RCN2: variants seen among roughly 807,000 people sequenced by gnomAD.
The protein encoded by RCN2 is reticulocalbin 2, also known as reticulocalbin-2.
In RCN2, 23 loss-of-function variants were observed where a neutral mutation model predicts 37.5. The ratio of observed to expected loss-of-function variants is 0.61; its 90% confidence interval spans 0.44 to 0.87. RCN2 has a LOEUF of 0.87. Ranked by LOEUF, RCN2 falls within the 40% of genes least tolerant of loss-of-function variation. RCN2 has a pLI of 0.00. For missense variants in RCN2, 381 were observed against 390.4 expected, an observed-to-expected ratio of 0.98 and a Z score of 0.20; for synonymous variants, 140 against 144.6, an observed-to-expected ratio of 0.97 and a Z score of 0.23.
At chr15:76,947,806 T>C in intron 5 of RCN2, 1 of 306,010 alleles carries the variant, frequency 3.3e-6, no homozygotes, top group Non-Finnish European at 6.0e-6. Flanking sequence ...AAGGTAGATA[T>C]TTTTAAACAA....
chr15:76,932,162 G>A (rs187019079), intron 1 of RCN2, among the ~76,000 whole-genome samples, 177 bp downstream of exon 1: 1 of 152,288 alleles, frequency 6.6e-6, no homozygotes, highest in East Asian at 1.9e-4. Context: ...AGCCTGAGGA[G>A]ATAGCACGGC....
intron 5 of RCN2, 77 bp downstream of exon 5, chr15:76,947,594 G>T: frequency 1.1e-6 from 1 of 917,864 alleles, no homozygotes; most frequent in Non-Finnish European, 1.7e-6. Context: ...CTCATTGAAA[G>T]CTCTCTTCAA....
chr15:76,937,375 T>C (rs923579158), intron 3 of RCN2, among the ~76,000 whole-genome samples: 7 of 152,152 alleles, frequency 4.6e-5, no homozygotes, highest in African/African-American at 1.7e-4. Context: ...CACAGTACCA[T>C]TTTTCATAGT....
intron 3 of RCN2, among the ~76,000 whole-genome samples, chr15:76,941,112 C>T (rs2075275098): frequency 6.6e-6 from 1 of 152,104 alleles, no homozygotes. Context: ...TGGCTCACTG[C>T]AACCTCTTCC....
chr15:76,953,666 G>A lies in RCN2; in HGVS notation c.*4444G>A, dbSNP rs1318895264. 1 of 130,690 alleles carries A rather than the reference G, an allele frequency of 7.7e-6. No homozygotes were observed. Among genetic ancestry groups the A allele is most frequent in the Non-Finnish European group, 1.6e-5 (1 of 64,128 alleles). 8.1% of individuals were successfully genotyped at this position (130,690 alleles called of 1,614,324 possible). On this transcript the variant is annotated 3_prime_UTR_variant, in exon 7 of 7. Coordinates refer to ENST00000394885, the MANE Select transcript of RCN2 (RefSeq NM_002902.3). ...TCTGTCGCCCAGGCTGGAGTGCAGT[G>A]GCGCGATCTCGGCTCACTGCAGGCT...
intron 4 of RCN2, 80 bp from the exon 5 acceptor site, chr15:76,947,341 T>C: frequency 1.3e-6 from 1 of 792,818 alleles, no homozygotes; most frequent in Non-Finnish European, 2.1e-6. Context: ...AAAGAAGTTC[T>C]GTAGTAGAAT....
At chr15:76,935,748 CT>C in intron 3 of RCN2, 26 bp downstream of exon 3, 2 of 1,571,878 alleles carry the variant, frequency 1.3e-6, no homozygotes, top group Non-Finnish European at 1.7e-6. Context: ...CAAGCTGTTT[CT>C]TTTGATCATG....
In RCN2 at chr15:76,935,622, C is replaced by T; in HGVS notation, c.347C>T (p.Thr116Ile). ...GAATATGATAAAAACAGTGATGATA[C>T]TGTGACTTGGGATGAATATAACATT... ...FVEYDKNSDD[T>I]VTWDEYNIQM... The change falls in exon 3 of 7, where the codon ACT (threonine) becomes ATT (isoleucine). Residue 116 changes from threonine to isoleucine, a missense_variant. By Grantham distance (89) the Thr-to-Ile change is moderately conservative. Coordinates refer to ENST00000394885, the MANE Select transcript of RCN2 (RefSeq NM_002902.3). 2 of 1,613,310 alleles carry T rather than the reference C, an allele frequency of 1.2e-6. No homozygotes were observed. The highest frequency in any genetic ancestry group is 1.7e-6 in the Non-Finnish European group (2 of 1,179,260).
chr15:76,947,634 TC>T (rs1251852785), intron 5 of RCN2, 117 bp downstream of exon 5: 1 of 688,170 alleles, frequency 1.5e-6, no homozygotes, highest in African/African-American at 1.9e-5. Flanking sequence ...CTGTGTCTGA[TC>T]CTACTTGTTT....
chr15:76,941,545 C>T (rs746334685), intron 3 of RCN2: 122 of 579,468 alleles, frequency 2.1e-4, no homozygotes, highest in Middle Eastern at 4.8e-4. Context: ...ACACTTTTTA[C>T]CCTCTACTAG....
intron 3 of RCN2, among the ~76,000 whole-genome samples, chr15:76,937,652 C>G (rs925959876): frequency 6.6e-6 from 1 of 152,104 alleles, no homozygotes; most frequent in Non-Finnish European, 1.5e-5. Flanking sequence ...AAGTGATCTA[C>G]CCACCTCAGC....
rs2075309596 is a variant in RCN2, at chr15:76,949,317, T to G, written c.*95T>G. ...AATATTGATGTTGTATTTTACACTC[T>G]TAAGTCTTAACCACAGTCAGAATTA... On this transcript the variant is annotated 3_prime_UTR_variant, in exon 7 of 7. Coordinates refer to ENST00000394885, the MANE Select transcript of RCN2 (RefSeq NM_002902.3). 1.1e-6 allele frequency: 1 copy of G among 881,078 alleles called. No homozygotes were observed. Among genetic ancestry groups the G allele is most frequent in the African/African-American group, 1.7e-5 (1 of 58,574 alleles). 54.6% of individuals were successfully genotyped at this position (881,078 alleles called of 1,614,324 possible).
At position 76,932,353 on chromosome 15, in the gene RCN2, C is replaced by T; in HGVS notation, c.145-8C>T. The T allele has an allele frequency of 6.2e-7, 1 of 1,606,172 alleles. No homozygotes were observed. The highest frequency in any genetic ancestry group is 8.5e-7 in the Non-Finnish European group (1 of 1,173,078). ...CTTGGCCCTCCTGTGTGTCGCTTCC[C>T]CCTAAAGGAAGATGTGGATGAATAT... On this transcript the variant is annotated splice_region_variant and splice_polypyrimidine_tract_variant and intron_variant, in intron 1 of 6. Coordinates refer to ENST00000394885, the MANE Select transcript of RCN2 (RefSeq NM_002902.3).
chr15:76,932,131 T>TG (rs1169591602), intron 1 of RCN2, 146 bp downstream of exon 1: 4 of 824,526 alleles, frequency 4.9e-6, no homozygotes, highest in Non-Finnish European at 5.2e-6. Context: ...ACTCGCTCTC[T>TG]GGGGGTCCTG....
rs2075311645 is a variant in RCN2 at position 76,949,792 on chromosome 15, T to C, written c.*570T>C. 2 of 152,648 alleles carry C rather than the reference T, an allele frequency of 1.3e-5. No individual in the cohort carries two copies. Among genetic ancestry groups the C allele is most frequent in the Non-Finnish European group, 2.9e-5 (2 of 68,026 alleles). 9.5% of individuals were successfully genotyped at this position (152,648 alleles called of 1,614,324 possible). A position where few individuals can be genotyped will look rare whatever the true frequency, so the allele number is the denominator to read the frequency against. On this transcript the variant is annotated 3_prime_UTR_variant, in exon 7 of 7. Transcript: ENST00000394885. ...AAATAGAACTTTATATTTTTGCATA[T>C]GTATAGATAGTAATTATATTTAATG... is the stretch of plus-strand genomic sequence containing the variant.
intron 5 of RCN2, chr15:76,947,922 T>A (rs1301835368): frequency 1.2e-5 from 2 of 163,514 alleles, no homozygotes; most frequent in African/African-American, 4.8e-5. Context: ...TGAATAAGTG[T>A]TTGAAATTAA....
rs2075313764 is a variant in RCN2 at position 76,950,167 on chromosome 15, T to C, written c.*945T>C. ...CTTTGGGGCTATAAATAATCTTGAG[T>C]AACGCAGGTTGGAATTACCAATAGA... is the stretch of plus-strand genomic sequence containing the variant. On this transcript the variant is annotated 3_prime_UTR_variant, in exon 7 of 7. Transcript: ENST00000394885. 1 of 152,154 alleles carries C rather than the reference T, an allele frequency of 6.6e-6. No individual in the cohort carries two copies. The highest frequency in any genetic ancestry group is 2.1e-4 in the South Asian group (1 of 4,828). 9.4% of individuals were successfully genotyped at this position (152,154 alleles called of 1,614,324 possible).
At position 76,951,555 on chromosome 15, in the gene RCN2, A is replaced by G. The variant is rs2075320745; in HGVS notation, c.*2333A>G. Reference sequence around the variant, plus strand: ...TGACTGAGTGAAGATTTCACATTTAACAATAGGCTTTTAATAAGCATGCAG... The same window carrying G: ...TGACTGAGTGAAGATTTCACATTTAGCAATAGGCTTTTAATAAGCATGCAG... On this transcript the variant is annotated 3_prime_UTR_variant, in exon 7 of 7. Coordinates refer to ENST00000394885, the MANE Select transcript of RCN2 (RefSeq NM_002902.3). 6.6e-6 allele frequency: 1 copy of G among 152,222 alleles called. No individual in the cohort carries two copies. Among genetic ancestry groups the G allele is most frequent in the Non-Finnish European group, 1.5e-5 (1 of 68,040 alleles). 9.4% of individuals were successfully genotyped at this position (152,222 alleles called of 1,614,324 possible).
chr15:76,932,110 G>C, intron 1 of RCN2, 125 bp downstream of exon 1: 1 of 959,720 alleles, frequency 1.0e-6, no homozygotes, highest in South Asian at 3.0e-5. Flanking sequence ...ATGGGGGCCG[G>C]GCGGCGCGGC....
Sources: allele counts gnomAD v4.1 joint callset (sites outside exome capture counted in the v4.1 genomes callset), GRCh38; gene constraint gnomAD v4.1.1; transcripts MANE v1.5; gene names NCBI Gene and HGNC (gene_info 2026-07-23, HGNC 2026-07-21).